Variants in STON2 observed in about 807,000 individuals in gnomAD.
STON2 encodes the protein stonin-2.
STON2 carries 29 observed loss-of-function variants against 65.7 expected under a neutral mutation model. The ratio of observed to expected loss-of-function variants is 0.44; its 90% CI spans 0.33 to 0.60. The LOEUF (loss-of-function observed/expected upper bound fraction) is 0.60. STON2 is among the 20% of genes least tolerant of loss of function. STON2 has a pLI of 0.03. For missense variants in STON2, 1,054 were observed against 1,118.1 expected (o/e 0.94, Z 0.82); for synonymous variants, 404 against 414.2 (o/e 0.98, Z 0.30).
intron 4 of STON2, among the ~76,000 whole-genome samples, chr14:81,365,491 C>T (rs1429180962): frequency 6.6e-6 from 1 of 152,182 alleles, no homozygotes; most frequent in Non-Finnish European, 1.5e-5. Context: ...TGCAGTGGCT[C>T]ATGCCTTTAA....
intron 3 of STON2, among the ~76,000 whole-genome samples, chr14:81,391,283 T>C (rs1480179131): frequency 6.6e-6 from 1 of 152,258 alleles, no homozygotes; most frequent in Non-Finnish European, 1.5e-5. Context: ...ATCTGTGTTA[T>C]TTCTGCATAA....
Position 81,278,278 on chromosome 14 carries a change from T to G in STON2, c.1204A>C (p.Ser402Arg). The G allele has an allele frequency of 6.2e-7, 1 of 1,614,138 alleles. No individual in the cohort carries two copies. The change falls in exon 6 of 8, where the codon AGT (serine) becomes CGT (arginine). Residue 402 changes from serine (S) to arginine (R), a missense_variant. Transcript: ENST00000614646. ...TTGCCCGTGGTACTGGAAATGGAAC[T>G]GTTTTGGGAGCGCCTCTCCTGCTCC... is the stretch of plus-strand genomic sequence containing the variant. ...FEEQERRSQN[S>R]SISSTTGKSQ...
Position 81,356,852 on chromosome 14 carries a change from A to G in STON2, c.571+14136T>C, listed in dbSNP as rs1158838963. On this transcript the variant is annotated intron_variant, in intron 4 of 7. Transcript: ENST00000614646. ...TTGTATTTCTATGGGATCGGTAGTG[A>G]TATCCCCTTTATCATTTTTTATTGC... Among the ~76,000 whole-genome samples the G allele has an allele frequency of 2.6e-4, 40 of 152,008 alleles. No individual in the cohort carries two copies. The East Asian group carries it at 6.8e-3, about 26-fold the overall frequency.
chr14:81,295,273 C>T (rs1446767695), intron 5 of STON2, among the ~76,000 whole-genome samples: 3 of 151,934 alleles, frequency 2.0e-5, no homozygotes, highest in African/African-American at 7.3e-5. Flanking sequence ...TGCAGTGAGC[C>T]GAGATTGTGC....
chr14:81,427,897 G>A (rs973572006), intron 1 of STON2, among the ~76,000 whole-genome samples: 1 of 152,136 alleles, frequency 6.6e-6, no homozygotes, highest in Non-Finnish European at 1.5e-5. Context: ...AGATACCACA[G>A]TGACTCAGGG....
intron 2 of STON2, among the ~76,000 whole-genome samples, chr14:81,417,174 C>G (rs1157942255): frequency 6.6e-6 from 1 of 152,164 alleles, no homozygotes; most frequent in African/African-American, 2.4e-5. Flanking sequence ...CATGCTTACA[C>G]TCCCACAGCA....
At chr14:81,279,151 C>A (rs6574636) in intron 5 of STON2, among the ~76,000 whole-genome samples, 130,134 of 152,146 alleles carry the variant, frequency 0.86, 56,118 homozygotes, top group African/African-American at 0.93. Flanking sequence ...CTGAAAAAAA[C>A]CAAGTTATCG....
chr14:81,331,554 A>C (rs968521239), intron 4 of STON2, among the ~76,000 whole-genome samples: 1 of 152,164 alleles, frequency 6.6e-6, no homozygotes, highest in African/African-American at 2.4e-5. Context: ...TAGACCCTAG[A>C]CATTTTCCTC....
chr14:81,343,392 G>T (rs962222774), intron 4 of STON2, among the ~76,000 whole-genome samples: 1 of 152,096 alleles, frequency 6.6e-6, no homozygotes, highest in Non-Finnish European at 1.5e-5. Context: ...GGAGAGGGGA[G>T]GCAACTCATA....
At position 81,396,114 on chromosome 14, in the gene STON2, C is replaced by T. The variant is rs188287240; in HGVS notation, c.153G>A (p.Gly51=). The T allele has an allele frequency of 6.2e-7, 1 of 1,614,066 alleles. No homozygotes were observed. Among genetic ancestry groups the T allele is most frequent in the African/African-American group, 1.3e-5 (1 of 74,996 alleles). The part of the protein sequence containing the change: ...SSPDQSESSS[G]ENHVVDGGSQ... ...AGCCTCCATCCACCACATGGTTCTC[C>T]CCGGAGGAGCTCTCGGACTGGTCTG... The change falls in exon 3 of 8, where the codon GGG becomes GGA. Residue 51 remains glycine, a synonymous_variant. Coordinates refer to ENST00000614646, the MANE Select transcript of STON2 (RefSeq NM_001394390.1).
At chr14:81,268,743 G>T (rs1309670955) in intron 7 of STON2, 5 of 705,600 alleles carry the variant, frequency 7.1e-6, no homozygotes, top group East Asian at 1.3e-4. Context: ...TCTTTGCCTT[G>T]TACATTTGGT....
intron 7 of STON2, chr14:81,270,419 A>G: frequency 7.1e-7 from 1 of 1,411,194 alleles, no homozygotes. Context: ...GCTCATAATG[A>G]CAGAAAGACA....
chr14:81,275,029 T>C (rs1224481008), intron 6 of STON2, among the ~76,000 whole-genome samples: 1 of 104,440 alleles, frequency 9.6e-6, no homozygotes, highest in Non-Finnish European at 2.2e-5. Context: ...ACTCTAGTGC[T>C]GTCTGTCTAA....
At chr14:81,346,875 A>G (rs566963252) in intron 4 of STON2, among the ~76,000 whole-genome samples, 1 of 152,340 alleles carries the variant, frequency 6.6e-6, no homozygotes, top group African/African-American at 2.4e-5. Flanking sequence ...GTTGAAACAC[A>G]TTGAAATGGA....
intron 4 of STON2, among the ~76,000 whole-genome samples, chr14:81,352,874 T>A (rs1157480228): frequency 6.6e-6 from 1 of 152,200 alleles, no homozygotes; most frequent in Non-Finnish European, 1.5e-5. Flanking sequence ...GAACACAGCA[T>A]CTTAAACTGT....
At chr14:81,366,311 A>G (rs528010559) in intron 4 of STON2, among the ~76,000 whole-genome samples, 3 of 152,296 alleles carry the variant, frequency 2.0e-5, no homozygotes, top group South Asian at 4.1e-4. Flanking sequence ...TCTGCCGCAG[A>G]TGACAGGGAA....
At chr14:81,427,271 G>A (rs1247821715) in intron 1 of STON2, 1 of 152,152 alleles carries the variant, frequency 6.6e-6, no homozygotes, top group Non-Finnish European at 1.5e-5. Context: ...CTTTCTTATA[G>A]CCAGGACCCA....
chr14:81,284,077 T>C (rs1223749444), intron 5 of STON2, among the ~76,000 whole-genome samples: 1 of 152,248 alleles, frequency 6.6e-6, no homozygotes, highest in Non-Finnish European at 1.5e-5. Context: ...AATGTGTGTG[T>C]TCTGGGCTGC....
intron 5 of STON2, among the ~76,000 whole-genome samples, chr14:81,279,268 G>A (rs1895008908): frequency 6.6e-6 from 1 of 152,054 alleles, no homozygotes; most frequent in African/African-American, 2.4e-5. Flanking sequence ...ATATTCAGTA[G>A]GTTCATACAT....
Sources: gnomAD v4.1 joint callset for allele counts (sites outside exome capture counted in the v4.1 genomes callset) on GRCh38, gnomAD v4.1.1 for gene constraint, MANE v1.5 for transcripts, NCBI Gene and HGNC (gene_info 2026-07-23, HGNC 2026-07-21) for gene names.